Variants in TOM1L2 observed in about 807,000 individuals in gnomAD.
TOM1L2 encodes the protein target of myb1 like 2 membrane trafficking protein, also known as TOM1-like protein 2.
In TOM1L2, 31 loss-of-function variants were observed where a neutral mutation model predicts 67.9. The observed-to-expected ratio is 0.46, with a 90% CI of 0.34 to 0.62. The LOEUF is 0.62. Among genes scored for constraint, TOM1L2 ranks in the 20% least tolerant of loss-of-function variants. The probability of loss-of-function intolerance (pLI) is 0.01; values close to 1 mark genes in which losing one functional copy is unlikely to be tolerated. For synonymous variants in TOM1L2, 256 were observed against 254.0 expected (o/e 1.01, Z -0.07); for missense variants, 606 against 663.5 (o/e 0.91, Z 0.95).
At chr17:17,913,211 G>A (rs1490235146) in intron 1 of TOM1L2, among the ~76,000 whole-genome samples, 2 of 149,696 alleles carry the variant, frequency 1.3e-5, no homozygotes, top group East Asian at 1.9e-4. Flanking sequence ...GGGGAGACGG[G>A]AGAGGGAGAG....
At position 17,845,511 on chromosome 17, in the gene TOM1L2, T is replaced by C. The variant is rs2035597837; in HGVS notation, c.*2124A>G. 1 of 152,288 alleles carries C rather than the reference T, an allele frequency of 6.6e-6. No homozygotes were observed. Among genetic ancestry groups the C allele is most frequent in the African/African-American group, 2.4e-5 (1 of 41,462 alleles). The allele number at this position is 152,288 out of a possible 1,614,324, so 9.4% of individuals were successfully genotyped here. A position where few individuals can be genotyped will look rare whatever the true frequency, so the allele number is the denominator to read the frequency against. On this transcript the variant is annotated 3_prime_UTR_variant, in exon 15 of 15. Coordinates refer to ENST00000379504, the MANE Select transcript of TOM1L2 (RefSeq NM_001082968.2). ...TGACTTTTTGGGACTCCTGGTTCCA[T>C]GAGGCAGGGAGGCTGGCTCTTCCCT...
chr17:17,869,429 C>T lies in TOM1L2; in HGVS notation c.822G>A (p.Glu274=), dbSNP rs1248978089. The change falls in exon 8 of 15, where the codon GAG becomes GAA. Residue 274 remains glutamate (E), a synonymous_variant. Coordinates refer to ENST00000379504, the MANE Select transcript of TOM1L2 (RefSeq NM_001082968.2). ...CCTCATTGGACACGCGGGAGATGAG[C>T]TCCACGATGCGCTGCTGCATGGCCC... The part of the protein sequence containing the change: ...TCRAMQQRIV[E]LISRVSNEEV... 6.2e-7 allele frequency: 1 copy of T among 1,613,358 alleles called. No homozygotes were observed.
chr17:17,938,110 G>A (rs1179275839), intron 1 of TOM1L2, among the ~76,000 whole-genome samples: 2 of 152,148 alleles, frequency 1.3e-5, no homozygotes, highest in Non-Finnish European at 1.5e-5. Flanking sequence ...CACCCAGCGT[G>A]GTGCAATGGG....
chr17:17,881,871 T>C lies in TOM1L2; in HGVS notation c.660+834A>G, dbSNP rs529197885. Among the ~76,000 whole-genome samples the C allele has an allele frequency of 1.4e-4, 21 of 152,278 alleles. 1 individual carries two copies. The South Asian group carries it at 1.7e-3, about 12-fold the overall frequency. ...ACACATTGCTATCCCTACACACACATTGCTTGACCCCTCTGCTTCAGTGAG... is the reference window on the plus strand; with the variant it reads ...ACACATTGCTATCCCTACACACACACTGCTTGACCCCTCTGCTTCAGTGAG... On this transcript the variant is annotated intron_variant, in intron 6 of 14. Transcript: ENST00000379504.
At chr17:17,962,322 A>G (rs1170404205) in intron 1 of TOM1L2, among the ~76,000 whole-genome samples, 1 of 114,234 alleles carries the variant, frequency 8.8e-6, no homozygotes, top group Non-Finnish European at 1.7e-5. Context: ...TGATTGTTGC[A>G]TATTTTTTTT....
intron 1 of TOM1L2, among the ~76,000 whole-genome samples, chr17:17,959,609 G>C (rs1273486652): frequency 2.0e-5 from 3 of 152,058 alleles, no homozygotes; most frequent in Non-Finnish European, 2.9e-5. Context: ...CATTTCTCAG[G>C]CCTCATTTCC....
intron 4 of TOM1L2, among the ~76,000 whole-genome samples, chr17:17,885,233 A>C (rs2037934902): frequency 6.6e-6 from 1 of 152,248 alleles, no homozygotes; most frequent in African/African-American, 2.4e-5. Context: ...CAACAAATTG[A>C]GCAGAAAGGA....
chr17:17,929,482 T>C (rs1598357445), intron 1 of TOM1L2, among the ~76,000 whole-genome samples: 1 of 152,044 alleles, frequency 6.6e-6, no homozygotes, highest in East Asian at 1.9e-4. Flanking sequence ...AAATACAAAA[T>C]TAGCCAGGCG....
At chr17:17,928,283 C>T (rs1173201691) in intron 1 of TOM1L2, among the ~76,000 whole-genome samples, 1 of 152,154 alleles carries the variant, frequency 6.6e-6, no homozygotes, top group Non-Finnish European at 1.5e-5. Flanking sequence ...TTGAGAAAAA[C>T]ACTGCTGCTC....
intron 1 of TOM1L2, among the ~76,000 whole-genome samples, chr17:17,956,514 G>A (rs926658971): frequency 2.0e-5 from 3 of 152,242 alleles, no homozygotes; most frequent in Non-Finnish European, 2.9e-5. Context: ...CAGCCCTTGG[G>A]CGGTCGATGG....
intron 1 of TOM1L2, among the ~76,000 whole-genome samples, chr17:17,961,871 CAA>C (rs530184569): frequency 6.9e-5 from 8 of 115,360 alleles, no homozygotes; most frequent in Non-Finnish European, 9.5e-5. Flanking sequence ...GACTCCGTCT[CAA>C]AAAAAAAAAA....
chr17:17,943,417 A>C (rs2144811929), intron 1 of TOM1L2, among the ~76,000 whole-genome samples: 1 of 152,350 alleles, frequency 6.6e-6, no homozygotes, highest in African/African-American at 2.4e-5. Flanking sequence ...CAGAGGGCTG[A>C]ATCCTGCTGC....
At chr17:17,942,265 G>A (rs2040764061) in intron 1 of TOM1L2, among the ~76,000 whole-genome samples, 1 of 152,122 alleles carries the variant, frequency 6.6e-6, no homozygotes, top group Non-Finnish European at 1.5e-5. Context: ...TTTTTCACAA[G>A]GCCACATTGC....
intron 1 of TOM1L2, among the ~76,000 whole-genome samples, chr17:17,938,911 G>T (rs372993437): frequency 6.6e-6 from 1 of 151,934 alleles, no homozygotes; most frequent in Non-Finnish European, 1.5e-5. Context: ...TATACACTGG[G>T]GTGGGGCCGC....
At chr17:17,898,263 G>C (rs1470443811) in intron 3 of TOM1L2, among the ~76,000 whole-genome samples, 1 of 152,170 alleles carries the variant, frequency 6.6e-6, no homozygotes, top group Non-Finnish European at 1.5e-5. Flanking sequence ...TAGAGAAGGA[G>C]TTGGTCTCAG....
intron 1 of TOM1L2, among the ~76,000 whole-genome samples, chr17:17,944,969 A>G (rs956874713): frequency 1.2e-4 from 18 of 152,178 alleles, no homozygotes; most frequent in Admixed American, 4.6e-4. Flanking sequence ...TACTCCTGAC[A>G]TTGCAGCAGA....
intron 3 of TOM1L2, 79 bp from the exon 4 acceptor site, chr17:17,893,889 T>C: frequency 6.9e-7 from 1 of 1,443,418 alleles, no homozygotes; most frequent in African/African-American, 1.4e-5. Flanking sequence ...CGCAGCTGAG[T>C]TTCCACCATC....
chr17:17,907,317 T>C, intron 2 of TOM1L2, 130 bp downstream of exon 2: 1 of 741,368 alleles, frequency 1.3e-6, no homozygotes, highest in Non-Finnish European at 2.1e-6. Flanking sequence ...GAGTGTCAGC[T>C]TATTCGATGC....
intron 4 of TOM1L2, among the ~76,000 whole-genome samples, chr17:17,887,185 G>A (rs1269160143): frequency 2.0e-5 from 3 of 152,226 alleles, no homozygotes; most frequent in South Asian, 2.1e-4. Context: ...TGTTATTTGC[G>A]ATCAAGTAGT....
Sources: allele counts gnomAD v4.1 joint callset (sites outside exome capture counted in the v4.1 genomes callset), GRCh38; gene constraint gnomAD v4.1.1; transcripts MANE v1.5; gene names NCBI Gene and HGNC (gene_info 2026-07-23, HGNC 2026-07-21).